Variants in RFX4 observed in about 807,000 individuals in gnomAD.
The protein encoded by RFX4 is regulatory factor X4.
Under a neutral mutation model 95.0 loss-of-function variants are expected in RFX4, and 10 were observed. That is an observed-to-expected ratio of 0.11 (90% CI 0.06 to 0.18). The LOEUF is 0.18. Ranked by LOEUF, RFX4 falls within the 10% of genes least tolerant of loss-of-function variation. The pLI is 1.00. For synonymous variants in RFX4, 321 were observed against 340.7 expected (o/e 0.94, Z 0.64); for missense variants, 640 against 922.0 (o/e 0.69, Z 3.96).
At chr12:106,672,586 C>T (rs1215754494) in intron 4 of RFX4, among the ~76,000 whole-genome samples, 1 of 152,188 alleles carries the variant, frequency 6.6e-6, no homozygotes. Context: ...AAGTGTTTTA[C>T]TGTTTGCTGA....
At chr12:106,756,046 A>G (rs140826168) in intron 17 of RFX4, among the ~76,000 whole-genome samples, 20 of 152,352 alleles carry the variant, frequency 1.3e-4, no homozygotes, top group African/African-American at 4.6e-4. Context: ...TGCACAATAT[A>G]TACTTTCTTC....
intron 8 of RFX4, among the ~76,000 whole-genome samples, chr12:106,699,794 A>C (rs1318733310): frequency 6.6e-6 from 1 of 152,158 alleles, no homozygotes; most frequent in Non-Finnish European, 1.5e-5. Flanking sequence ...TGTAACCAAC[A>C]TAGAAACATA....
intron 3 of RFX4, among the ~76,000 whole-genome samples, chr12:106,647,646 A>G (rs1176551418): frequency 6.6e-6 from 1 of 152,130 alleles, no homozygotes; most frequent in African/African-American, 2.4e-5. Context: ...GAACTATGTT[A>G]ACATCAATAG....
At chr12:106,739,240 TA>T (rs1183824850) in intron 15 of RFX4, among the ~76,000 whole-genome samples, 1 of 152,234 alleles carries the variant, frequency 6.6e-6, no homozygotes, top group Non-Finnish European at 1.5e-5. Context: ...GTGACCCAGT[TA>T]TTTTTTTGGG....
intron 1 of RFX4, chr12:106,585,770 C>T (rs2039445792): frequency 6.6e-6 from 1 of 152,232 alleles, no homozygotes; most frequent in African/African-American, 2.4e-5. Context: ...CGACTCACAG[C>T]AAGTGCTGGG....
At chr12:106,635,525 CTG>C (rs1229234376) in intron 2 of RFX4, among the ~76,000 whole-genome samples, 2 of 152,160 alleles carry the variant, frequency 1.3e-5, no homozygotes, top group Non-Finnish European at 2.9e-5. Flanking sequence ...GTTGGGCAGG[CTG>C]GTCTCAAACT....
At chr12:106,666,720 T>G (rs1005821148) in intron 4 of RFX4, among the ~76,000 whole-genome samples, 1 of 152,236 alleles carries the variant, frequency 6.6e-6, no homozygotes, top group Non-Finnish European at 1.5e-5. Flanking sequence ...TCTTAATTTC[T>G]GTTACAGTGT....
At chr12:106,742,675 T>C (rs963225058) in intron 15 of RFX4, among the ~76,000 whole-genome samples, 1 of 152,192 alleles carries the variant, frequency 6.6e-6, no homozygotes, top group Admixed American at 6.5e-5. Context: ...GTGATTCAAA[T>C]ACACATTCAA....
At position 106,586,123 on chromosome 12, in the gene RFX4, G is replaced by C. The variant is rs977827240; in HGVS notation, c.43+2760G>C. Reference sequence around the variant, plus strand: ...AGCCCGACAAAGCAAAGCCCCTCTCGGAGGCAAAGCCCCAGCTTGCCGCGC... The same window carrying C: ...AGCCCGACAAAGCAAAGCCCCTCTCCGAGGCAAAGCCCCAGCTTGCCGCGC... On this transcript the variant is annotated intron_variant, in intron 1 of 17. Coordinates refer to ENST00000392842, the MANE Select transcript of RFX4 (RefSeq NM_213594.3). The surrounding 1 kb of genome is among the most constrained non-coding windows in gnomAD (Gnocchi z 5.6). The C allele has an allele frequency of 1.3e-5, 2 of 152,182 alleles. No individual in the cohort carries two copies. Among genetic ancestry groups the C allele is most frequent in the Non-Finnish European group, 2.9e-5 (2 of 68,014 alleles). 9.4% of individuals were successfully genotyped at this position (152,182 alleles called of 1,614,324 possible). A position where few individuals can be genotyped will look rare whatever the true frequency, so the allele number is the denominator to read the frequency against.
At chr12:106,751,271 A>C (rs901165705) in intron 17 of RFX4, among the ~76,000 whole-genome samples, 1 of 149,250 alleles carries the variant, frequency 6.7e-6, no homozygotes, top group Non-Finnish European at 1.5e-5. Flanking sequence ...TGAACTCATC[A>C]TTTTTTATGG....
rs528814762 is a variant in RFX4 at position 106,732,191 on chromosome 12, G to T, written c.1413G>T (p.Leu471=). The T allele has an allele frequency of 6.2e-7, 1 of 1,614,004 alleles. No individual in the cohort carries two copies. The highest frequency in any genetic ancestry group is 2.2e-5 in the East Asian group (1 of 44,872). ...DDYVLYLLES[L]HCQERANELM... is the part of the protein sequence containing the mutation. ...ACGTGCTCTACCTGTTAGAATCTCTGCACTGTCAGGAGCGGGCCAATGAGC... is the reference window on the plus strand; with the variant it reads ...ACGTGCTCTACCTGTTAGAATCTCTTCACTGTCAGGAGCGGGCCAATGAGC... The change falls in exon 14 of 18, where the codon CTG becomes CTT. Residue 471 remains leucine (L), a synonymous_variant. Coordinates refer to ENST00000392842, the MANE Select transcript of RFX4 (RefSeq NM_213594.3).
chr12:106,650,276 A>G (rs903518705), intron 3 of RFX4, among the ~76,000 whole-genome samples: 1 of 152,220 alleles, frequency 6.6e-6, no homozygotes, highest in African/African-American at 2.4e-5. Flanking sequence ...CTAGGAAGCC[A>G]TTAGCAAAAA....
chr12:106,612,513 T>C (rs2039980804), intron 2 of RFX4, among the ~76,000 whole-genome samples: 1 of 152,180 alleles, frequency 6.6e-6, no homozygotes, highest in South Asian at 2.1e-4. Flanking sequence ...TGTGTTTGGG[T>C]ATGTGTTAAA....
chr12:106,607,520 G>A (rs997557858), intron 1 of RFX4, among the ~76,000 whole-genome samples: 8 of 137,880 alleles, frequency 5.8e-5, no homozygotes, highest in African/African-American at 2.2e-4. Flanking sequence ...TGTCTGAGGT[G>A]TGAACGTGAG....
At chr12:106,747,362 GA>G (rs1188038876) in intron 15 of RFX4, 74 bp from the exon 16 acceptor site, 10 of 1,530,934 alleles carry the variant, frequency 6.5e-6, no homozygotes, top group Non-Finnish European at 8.9e-6. Flanking sequence ...AGAACAAAGG[GA>G]AGCCACTAAA....
intron 3 of RFX4, 22 bp downstream of exon 3, chr12:106,639,414 G>A: frequency 6.2e-7 from 1 of 1,610,256 alleles, no homozygotes; most frequent in Non-Finnish European, 8.5e-7. Context: ...TTTTTAGCAA[G>A]TTCTGTCTTC....
chr12:106,750,085 G>A (rs2042970865), intron 16 of RFX4, among the ~76,000 whole-genome samples: 6 of 152,164 alleles, frequency 3.9e-5, no homozygotes, highest in Admixed American at 3.9e-4. Flanking sequence ...CTGGCTGGGG[G>A]GTAAGGGAGG....
intron 15 of RFX4, among the ~76,000 whole-genome samples, chr12:106,734,046 G>A (rs1393272674): frequency 6.6e-6 from 1 of 152,188 alleles, no homozygotes; most frequent in Non-Finnish European, 1.5e-5. Context: ...CTTGAAGATA[G>A]TATGCTTAAT....
chr12:106,689,060 C>T (rs1017786567), intron 6 of RFX4, among the ~76,000 whole-genome samples: 1 of 152,134 alleles, frequency 6.6e-6, no homozygotes, highest in African/African-American at 2.4e-5. Flanking sequence ...TTCCGTATCT[C>T]AGGGAGAAAC....
Sources: allele counts gnomAD v4.1 joint callset (sites outside exome capture counted in the v4.1 genomes callset), GRCh38; gene constraint gnomAD v4.1.1; non-coding constraint Gnocchi (gnomAD v3.1); transcripts MANE v1.5; gene names NCBI Gene and HGNC (gene_info 2026-07-23, HGNC 2026-07-21).